MYO9A: variants seen among roughly 807,000 people sequenced by gnomAD.
MYO9A encodes unconventional myosin-IXa.
In MYO9A, 103 loss-of-function variants were observed where a neutral mutation model predicts 293.3. That is an observed-to-expected ratio of 0.35 (90% confidence interval 0.30 to 0.41). MYO9A has a LOEUF of 0.41. Among genes scored for constraint, MYO9A ranks in the 10% least tolerant of loss-of-function variants. The pLI is 1.00. For missense variants in MYO9A, 2,685 were observed against 3,033.0 expected (o/e 0.89, Z 2.69); for synonymous variants, 1,001 against 1,035.7 (o/e 0.97, Z 0.64).
intron 1 of MYO9A, among the ~76,000 whole-genome samples, chr15:72,068,882 G>GT (rs935988425): frequency 6.6e-6 from 1 of 152,164 alleles, no homozygotes. Flanking sequence ...AGCATTTACT[G>GT]TATGTTTTAA....
At chr15:71,962,114 A>C (rs2075761877) in intron 13 of MYO9A, among the ~76,000 whole-genome samples, 1 of 152,206 alleles carries the variant, frequency 6.6e-6, no homozygotes, top group South Asian at 2.1e-4. Context: ...GAGCTAGAAC[A>C]TAAGAAAATG....
chr15:72,100,843 G>A (rs2080262554), intron 1 of MYO9A, among the ~76,000 whole-genome samples: 1 of 150,816 alleles, frequency 6.6e-6, no homozygotes, highest in African/African-American at 2.4e-5. Context: ...TCTCCGCCCG[G>A]CCAGCCGCCC....
chr15:71,992,002 G>A (rs551764946), intron 10 of MYO9A, among the ~76,000 whole-genome samples: 21 of 152,198 alleles, frequency 1.4e-4, no homozygotes, highest in South Asian at 1.2e-3. Flanking sequence ...TGATCCACCC[G>A]CCTCGGCCTC....
Position 71,951,440 on chromosome 15 carries a change from G to GT in MYO9A, c.2302+336dup, listed in dbSNP as rs3830247. On this transcript the variant is annotated intron_variant, in intron 15 of 41. Transcript: ENST00000356056. ...AGACCTCAATAAAGTTTTTTTTGTT[G>GT]TTTTTTTTTTTATGAGCAGGAAAGA... 6.6e-3 allele frequency among the ~76,000 whole-genome samples: 948 copies of GT among 143,702 alleles called. 13 individuals carry two copies. Among genetic ancestry groups the GT allele is most frequent in the African/African-American group, 0.022 (842 of 38,756 alleles). 94.3% of individuals were successfully genotyped at this position (143,702 alleles called of 152,430 possible).
At chr15:72,054,883 G>C (rs551479062) in intron 1 of MYO9A, among the ~76,000 whole-genome samples, 1 of 149,752 alleles carries the variant, frequency 6.7e-6, no homozygotes, top group African/African-American at 2.5e-5. Context: ...AAGGTGGACA[G>C]ATGTCTCTCA....
chr15:72,078,975 G>C (rs1174188932), intron 1 of MYO9A, among the ~76,000 whole-genome samples: 1 of 152,156 alleles, frequency 6.6e-6, no homozygotes, highest in Non-Finnish European at 1.5e-5. Flanking sequence ...GAGGTGAAAG[G>C]ATGAAAAGGT....
In MYO9A at chr15:72,100,569, G is replaced by A. The variant is rs369465686; in HGVS notation, c.-72+17111C>T. Among the ~76,000 whole-genome samples, 133 of 151,862 alleles carry A rather than the reference G, an allele frequency of 8.8e-4. 1 individual carries two copies. The East Asian group carries it at 0.02, about 23-fold the overall frequency. On this transcript the variant is annotated intron_variant, in intron 1 of 41. Coordinates refer to ENST00000356056, the MANE Select transcript of MYO9A (RefSeq NM_006901.4). Reference sequence around the variant, plus strand: ...TAGGAAGTGAGGAGCGTCTCTGCCCGGCCGCCCATCATCTGAGATGTGGGG... The same window carrying A: ...TAGGAAGTGAGGAGCGTCTCTGCCCAGCCGCCCATCATCTGAGATGTGGGG...
intron 1 of MYO9A, among the ~76,000 whole-genome samples, chr15:72,062,959 C>G (rs1229160283): frequency 6.6e-6 from 1 of 152,182 alleles, no homozygotes; most frequent in East Asian, 1.9e-4. Context: ...CAGGTCAAGG[C>G]TGCAATGAGC....
In MYO9A at chr15:71,998,565, C is replaced by CCT. The variant is rs1555500627; in HGVS notation, c.1470+1285_1470+1286insAG. Among the ~76,000 whole-genome samples the CCT allele has an allele frequency of 1.4e-5, 2 of 140,088 alleles. 1 individual carries two copies. Among genetic ancestry groups the CCT allele is most frequent in the Non-Finnish European group, 3.1e-5 (2 of 64,780 alleles). The allele number at this position is 140,088 out of a possible 152,430, so 91.9% of individuals were successfully genotyped here. A position where few individuals can be genotyped will look rare whatever the true frequency, so the allele number is the denominator to read the frequency against. On this transcript the variant is annotated intron_variant, in intron 9 of 41. Transcript: ENST00000356056. ...ATTTGGCTTTCTTTTTTTTTTTTGT[C>CCT]TTTTTTTTTCTTTTTATTATTATTA...
At position 71,951,796 on chromosome 15, in the gene MYO9A, T is replaced by C. The variant is rs755965817; in HGVS notation, c.2283A>G (p.Arg761=). 3 of 1,613,820 alleles carry C rather than the reference T, an allele frequency of 1.9e-6. No individual in the cohort carries two copies. Residue 761 remains arginine, a synonymous_variant, in exon 15 of 42, where the codon AGA becomes AGG. Coordinates refer to ENST00000356056, the MANE Select transcript of MYO9A (RefSeq NM_006901.4). ...CCTTACTGTACTTCTCTTCCTTGCA[T>C]CTCTGCAGAATCTCTAAGCTCCTCT... ...VHQRSLEILQ[R]CKEEKYSITR...
intron 22 of MYO9A, among the ~76,000 whole-genome samples, chr15:71,902,507 T>C (rs1043471774): frequency 6.6e-6 from 1 of 152,072 alleles, no homozygotes; most frequent in African/African-American, 2.4e-5. Flanking sequence ...GAAAGCGATG[T>C]AAGAATCTCT....
intron 32 of MYO9A, among the ~76,000 whole-genome samples, chr15:71,868,504 T>G (rs954744194): frequency 2.6e-5 from 4 of 152,206 alleles, no homozygotes; most frequent in Non-Finnish European, 5.9e-5. Flanking sequence ...GTGAGTTGAT[T>G]AGCCATCTTA....
At chr15:71,924,984 G>A (rs1042329087) in intron 18 of MYO9A, among the ~76,000 whole-genome samples, 1 of 151,906 alleles carries the variant, frequency 6.6e-6, no homozygotes, top group African/African-American at 2.4e-5. Flanking sequence ...AGAATGTTTT[G>A]TAAATGTCTG....
chr15:71,850,807 C>T (rs1485773169), intron 37 of MYO9A, among the ~76,000 whole-genome samples: 1 of 95,962 alleles, frequency 1.0e-5, no homozygotes, highest in Non-Finnish European at 2.2e-5. Context: ...AAAAAGAATG[C>T]AGAGTAGAGG....
chr15:71,859,766 C>G lies in MYO9A; in HGVS notation c.6122G>C (p.Cys2041Ser), dbSNP rs2056036261. ...AGAGCACTTGGCTGTGGTTTTCAGA[C>G]AGCACTTCTTATGGCAAGCATACTT... is the stretch of plus-strand genomic sequence containing the variant. Reference protein sequence around the residue: ...LCKYACHKKCCLKTTAKCSKK... With the variant: ...LCKYACHKKCSLKTTAKCSKK... Residue 2041 changes from cysteine (C) to serine (S), a missense_variant, in exon 34 of 42, where the codon TGT (cysteine) becomes TCT (serine). By Grantham distance (112) the Cys-to-Ser change is moderately radical. Around this residue, in one of 10 missense-constraint regions of MYO9A, gnomAD observed 238 missense variants for 269.1 expected, o/e 0.88. Coordinates refer to ENST00000356056, the MANE Select transcript of MYO9A (RefSeq NM_006901.4). 1.2e-6 allele frequency: 2 copies of G among 1,613,228 alleles called. No individual in the cohort carries two copies. Among genetic ancestry groups the G allele is most frequent in the South Asian group, 2.2e-5 (2 of 91,026 alleles).
intron 1 of MYO9A, among the ~76,000 whole-genome samples, chr15:72,111,234 A>G (rs2080769123): frequency 6.6e-6 from 1 of 152,078 alleles, no homozygotes; most frequent in African/African-American, 2.4e-5. Context: ...TCACACCTAT[A>G]ATCCCAGCAT....
chr15:71,996,153 A>C (rs2076693140), intron 9 of MYO9A, among the ~76,000 whole-genome samples: 1 of 152,182 alleles, frequency 6.6e-6, no homozygotes, highest in South Asian at 2.1e-4. Context: ...TTTTTTCCCC[A>C]GAAAGAAAAG....
At chr15:71,993,362 T>A (rs1055221864) in intron 10 of MYO9A, among the ~76,000 whole-genome samples, 4 of 150,420 alleles carry the variant, frequency 2.7e-5, no homozygotes. Context: ...AAAATAAAAT[T>A]AAATTTAAAA....
At chr15:71,968,312 TTAC>T (rs2147286110) in intron 12 of MYO9A, among the ~76,000 whole-genome samples, 187 bp from the exon 13 acceptor site, 1 of 152,252 alleles carries the variant, frequency 6.6e-6, no homozygotes, top group African/African-American at 2.4e-5. Flanking sequence ...AATATTGGTG[TTAC>T]TATTTTATAG....
Sources: allele counts gnomAD v4.1 joint callset (sites outside exome capture counted in the v4.1 genomes callset), GRCh38; gene constraint gnomAD v4.1.1; regional missense constraint gnomAD v4.1.1; transcripts MANE v1.5; gene names NCBI Gene and HGNC (gene_info 2026-07-23, HGNC 2026-07-21).